NEUROG1: variants seen among roughly 807,000 people sequenced by gnomAD.
NEUROG1 encodes neurogenin-1.
A neutral mutation model predicts 5.7 loss-of-function variants in NEUROG1; 5 were observed. That is an observed-to-expected ratio of 0.88 (90% CI 0.46 to 1.85). The LOEUF is 1.85. NEUROG1 is among the 40% of genes most tolerant of loss of function. NEUROG1 has a pLI of 0.01. For missense variants in NEUROG1, 403 were observed against 345.7 expected, an observed-to-expected ratio of 1.17 and a Z score of -1.32; for synonymous variants, 196 against 157.4, an observed-to-expected ratio of 1.25 and a Z score of -1.84.
At position 135,535,662 on chromosome 5, in the gene NEUROG1, G is replaced by C. The variant is rs1043678928; in HGVS notation, c.29C>G (p.Ser10Cys). 6.3e-7 allele frequency: 1 copy of C among 1,577,634 alleles called. No individual in the cohort carries two copies. Among genetic ancestry groups the C allele is most frequent in the Non-Finnish European group, 8.6e-7 (1 of 1,166,338 alleles). ...GCTGCTGCTGGCGCAGTCGAGGTCGGAGATGCAGGTCTCAAGGCGGGCTGG... is the reference window on the plus strand; with the variant it reads ...GCTGCTGCTGGCGCAGTCGAGGTCGCAGATGCAGGTCTCAAGGCGGGCTGG... MPARLETCISDLDCASSSGS... is the reference protein window; with the variant it reads MPARLETCICDLDCASSSGS... The change falls in exon 1 of 1, where the codon TCC (serine) becomes TGC (cysteine). Residue 10 changes from serine (S) to cysteine (C), a missense_variant. By Grantham distance (112) the Ser-to-Cys change is moderately radical. Transcript: ENST00000314744.
In NEUROG1 at chr5:135,535,295, C is replaced by G; in HGVS notation, c.396G>C (p.Glu132Asp). 6.2e-7 allele frequency: 1 copy of G among 1,613,610 alleles called. No homozygotes were observed. The highest frequency in any genetic ancestry group is 8.5e-7 in the Non-Finnish European group (1 of 1,179,682). The change falls in exon 1 of 1, where the codon GAG becomes GAC. Residue 132 changes from glutamate (E) to aspartate (D), a missense_variant. Transcript: ENST00000314744. ...FPDDTKLTKI[E>D]TLRFAYNYIW... ...TGTAGTTGTAGGCGAAGCGCAGCGT[C>G]TCGATTTTGGTGAGCTTGGTGTCGT...
Position 135,535,384 on chromosome 5 carries a change from T to TGCGCTC in NEUROG1, c.301_306dup (p.Glu101_Arg102dup). On this transcript the variant is annotated inframe_insertion, in exon 1 of 1. Coordinates refer to ENST00000314744, the MANE Select transcript of NEUROG1 (RefSeq NM_006161.3). ...GCCGCGTTCAAGTTGTGCATGCGGTTGCGCTCGCGATCGTTGGCCTTGACG... is the reference window on the plus strand; with the variant it reads ...GCCGCGTTCAAGTTGTGCATGCGGTTGCGCTCGCGCTCGCGATCGTTGGCCTTGACG... 6.2e-7 allele frequency: 1 copy of TGCGCTC among 1,611,552 alleles called. No homozygotes were observed. Among genetic ancestry groups the TGCGCTC allele is most frequent in the Non-Finnish European group, 8.5e-7 (1 of 1,178,930 alleles).
rs199710381 is a variant in NEUROG1, at chr5:135,534,967, T to G, written c.*10A>C. On this transcript the variant is annotated 3_prime_UTR_variant, in exon 1 of 1. Transcript: ENST00000314744. ...AGGGGAGGGGGAAAGTAACAGTGTC[T>G]ACAAAGGGCCTAGTGGTAAGGAATG... The G allele has an allele frequency of 6.2e-7, 1 of 1,611,208 alleles. No homozygotes were observed. The highest frequency in any genetic ancestry group is 2.2e-5 in the East Asian group (1 of 44,674).
rs750589876 is a variant in NEUROG1, at chr5:135,535,728, C to A, written c.-38G>T. On this transcript the variant is annotated 5_prime_UTR_variant, in exon 1 of 1. Coordinates refer to ENST00000314744, the MANE Select transcript of NEUROG1 (RefSeq NM_006161.3). ...CAGGACCGACGGACAGATAGAAAGG[C>A]GCTCAGAGCGCTGCAGCCCGGACTG... 7.4e-6 allele frequency: 11 copies of A among 1,478,552 alleles called. No homozygotes were observed. The highest frequency in any genetic ancestry group is 2.5e-5 in the East Asian group (1 of 39,784). 91.6% of individuals were successfully genotyped at this position (1,478,552 alleles called of 1,614,324 possible).
chr5:135,535,387 G>C lies in NEUROG1; in HGVS notation c.304C>G (p.Arg102Gly), dbSNP rs1055046881. 2.5e-6 allele frequency: 4 copies of C among 1,610,656 alleles called. No homozygotes were observed. The highest frequency in any genetic ancestry group is 1.3e-5 in the African/African-American group (1 of 74,728). ...GCGTTCAAGTTGTGCATGCGGTTGC[G>C]CTCGCGATCGTTGGCCTTGACGCGC... ...SRRVKANDRE[R>G]NRMHNLNAAL... Residue 102 changes from arginine (R) to glycine (G), a missense_variant, in exon 1 of 1, where the codon CGC becomes GGC. By Grantham distance (125) the Arg-to-Gly change is moderately radical (BLOSUM62 -2). Transcript: ENST00000314744.
chr5:135,535,150 T>C lies in NEUROG1; in HGVS notation c.541A>G (p.Ser181Gly). ...CCTGAGCCCCAGGACTCCGCGTCGCTGGCGGGGCTTGGGGGACCGGGCAGG... is the reference window on the plus strand; with the variant it reads ...CCTGAGCCCCAGGACTCCGCGTCGCCGGCGGGGCTTGGGGGACCGGGCAGG... Reference protein sequence around the residue: ...PCLPGPPSPASDAESWGSGAA... With the variant: ...PCLPGPPSPAGDAESWGSGAA... The change falls in exon 1 of 1, where the codon AGC becomes GGC. Residue 181 changes from serine to glycine, a missense_variant. Ser to Gly is a moderately conservative substitution (Grantham distance 56). Transcript: ENST00000314744. The C allele has an allele frequency of 6.2e-7, 1 of 1,608,738 alleles. No homozygotes were observed. Among genetic ancestry groups the C allele is most frequent in the Non-Finnish European group, 8.5e-7 (1 of 1,177,708 alleles).
chr5:135,535,476 C>G lies in NEUROG1; in HGVS notation c.215G>C (p.Arg72Pro). Residue 72 changes from arginine (R) to proline (P), a missense_variant, in exon 1 of 1, where the codon CGG (arginine) becomes CCG (proline). By Grantham distance (103) the Arg-to-Pro change is moderately radical (BLOSUM62 -2). Coordinates refer to ENST00000314744, the MANE Select transcript of NEUROG1 (RefSeq NM_006161.3). ...GACCCGCGTCCGGCCGCGGCGCCGCCGCCTCTCCTGCTCGTCGTCCTGTGC... is the reference window on the plus strand; with the variant it reads ...GACCCGCGTCCGGCCGCGGCGCCGCGGCCTCTCCTGCTCGTCGTCCTGTGC... Reference protein sequence around the residue: ...PGAQDDEQERRRRRGRTRVRS... With the variant: ...PGAQDDEQERPRRRGRTRVRS... The G allele has an allele frequency of 6.4e-7, 1 of 1,567,544 alleles. No homozygotes were observed. Among genetic ancestry groups the G allele is most frequent in the Non-Finnish European group, 8.6e-7 (1 of 1,162,170 alleles).
At position 135,535,181 on chromosome 5, in the gene NEUROG1, G is replaced by T. The variant is rs780045649; in HGVS notation, c.510C>A (p.Val170=). 7 of 1,610,540 alleles carry T rather than the reference G, an allele frequency of 4.3e-6. No individual in the cohort carries two copies. In the Admixed American group the frequency reaches 5.0e-5, roughly 12 times the overall value. ...GGCTTGGGGGACCGGGCAGGCAGGGGACGCACTGCGGCGGCAGGAGGCGCT... is the reference window on the plus strand; with the variant it reads ...GGCTTGGGGGACCGGGCAGGCAGGGTACGCACTGCGGCGGCAGGAGGCGCT... ...ARERLLPPQC[V]PCLPGPPSPA... is the part of the protein sequence containing the mutation. The change falls in exon 1 of 1, where the codon GTC becomes GTA. Residue 170 remains valine, a synonymous_variant. Transcript: ENST00000314744.
At position 135,535,679 on chromosome 5, in the gene NEUROG1, G is replaced by T. The variant is rs765978125; in HGVS notation, c.12C>A (p.Arg4=). ...CGAGGTCGGAGATGCAGGTCTCAAG[G>T]CGGGCTGGCATCGTTGCGCTGTGCA... is the stretch of plus-strand genomic sequence containing the variant. The part of the protein sequence containing the change: MPA[R]LETCISDLDC... Residue 4 remains arginine, a synonymous_variant, in exon 1 of 1, where the codon CGC becomes CGA. Transcript: ENST00000314744. 2 of 1,563,746 alleles carry T rather than the reference G, an allele frequency of 1.3e-6. No homozygotes were observed. The highest frequency in any genetic ancestry group is 8.6e-7 in the Non-Finnish European group (1 of 1,159,388).
chr5:135,535,497 T>C lies in NEUROG1; in HGVS notation c.194A>G (p.Gln65Arg). The change falls in exon 1 of 1, where the codon CAG (glutamine) becomes CGG (arginine). Residue 65 changes from glutamine to arginine, a missense_variant. Physicochemically the swap from Gln to Arg is conservative, Grantham distance 43. Transcript: ENST00000314744. ...ISRASEVPGA[Q>R]DDEQERRRRR... is the part of the protein sequence containing the mutation. The stretch of plus-strand genomic sequence containing the variant: ...CCGCCGCCTCTCCTGCTCGTCGTCC[T>C]GTGCCCCTGGAACCTCAGACGCCCG... The C allele has an allele frequency of 1.3e-6, 2 of 1,575,240 alleles. No individual in the cohort carries two copies. The highest frequency in any genetic ancestry group is 2.3e-5 in the South Asian group (2 of 86,576).
At position 135,535,565 on chromosome 5, in the gene NEUROG1, C is replaced by G. The variant is rs771128706; in HGVS notation, c.126G>C (p.Ser42=). 2.5e-6 allele frequency: 4 copies of G among 1,579,112 alleles called. No homozygotes were observed. The African/African-American group carries it at 5.4e-5, about 21-fold the overall frequency. ...CCCTGCGGGCCGGCGCGGGCGGCCC[C>G]GAAGCGGAGGCTGCCTGTTGGAGTC... ...CARLQQAASA[S]GPPAPARRGA... is the part of the protein sequence containing the mutation. Residue 42 remains serine (S), a synonymous_variant, in exon 1 of 1, where the codon TCG becomes TCC. Transcript: ENST00000314744.
chr5:135,534,969 C>G lies in NEUROG1; in HGVS notation c.*8G>C. 6.2e-7 allele frequency: 1 copy of G among 1,611,526 alleles called. No homozygotes were observed. The highest frequency in any genetic ancestry group is 1.1e-5 in the South Asian group (1 of 90,738). ...GGGAGGGGGAAAGTAACAGTGTCTA[C>G]AAAGGGCCTAGTGGTAAGGAATGAA... On this transcript the variant is annotated 3_prime_UTR_variant, in exon 1 of 1. Transcript: ENST00000314744.
rs1360142643 is a variant in NEUROG1 at position 135,534,935 on chromosome 5, G to A, written c.*42C>T. 2 of 1,584,004 alleles carry A rather than the reference G, an allele frequency of 1.3e-6. No individual in the cohort carries two copies. Among genetic ancestry groups the A allele is most frequent in the Non-Finnish European group, 1.7e-6 (2 of 1,166,868 alleles). ...GCAGCTGGGGCCCCATCTATTGCCT[G>A]CTGACTAGGGGAGGGGGAAAGTAAC... On this transcript the variant is annotated 3_prime_UTR_variant, in exon 1 of 1. Coordinates refer to ENST00000314744, the MANE Select transcript of NEUROG1 (RefSeq NM_006161.3).
In NEUROG1 at chr5:135,535,219, C is replaced by G. The variant is rs751734736; in HGVS notation, c.472G>C (p.Gly158Arg). Residue 158 changes from glycine (G) to arginine (R), a missense_variant, in exon 1 of 1, where the codon GGC becomes CGC. Coordinates refer to ENST00000314744, the MANE Select transcript of NEUROG1 (RefSeq NM_006161.3). ...LRLADQGLPG[G>R]GARERLLPPQ... is the part of the protein sequence containing the mutation. ...GGCAGGAGGCGCTCCCGGGCACCGCCTCCGGGCAGCCCTTGATCCGCCAGG... is the reference window on the plus strand; with the variant it reads ...GGCAGGAGGCGCTCCCGGGCACCGCGTCCGGGCAGCCCTTGATCCGCCAGG... 2 of 1,612,148 alleles carry G rather than the reference C, an allele frequency of 1.2e-6. No individual in the cohort carries two copies. The highest frequency in any genetic ancestry group is 3.3e-5 in the Admixed American group (2 of 59,938).
In NEUROG1 at chr5:135,535,213, C is replaced by A; in HGVS notation, c.478G>T (p.Ala160Ser). 6.2e-7 allele frequency: 1 copy of A among 1,611,534 alleles called. No individual in the cohort carries two copies. Among genetic ancestry groups the A allele is most frequent in the Non-Finnish European group, 8.5e-7 (1 of 1,179,090 alleles). Residue 160 changes from alanine (A) to serine (S), a missense_variant, in exon 1 of 1, where the codon GCC becomes TCC. By Grantham distance (99) the Ala-to-Ser change is moderately conservative (BLOSUM62 1). Coordinates refer to ENST00000314744, the MANE Select transcript of NEUROG1 (RefSeq NM_006161.3). ...TGCGGCGGCAGGAGGCGCTCCCGGG[C>A]ACCGCCTCCGGGCAGCCCTTGATCC... ...LADQGLPGGG[A>S]RERLLPPQCV...
rs1750505645 is a variant in NEUROG1 at position 135,535,085 on chromosome 5, T to G, written c.606A>C (p.Pro202=). ...AASPLSDPSS[P]AASEDFTYRP... ...GGTAGGTGAAGTCTTCGGAGGCGGC[T>G]GGGCTACTGGGGTCAGAGAGCGGGG... The change falls in exon 1 of 1, where the codon CCA becomes CCC. Residue 202 remains proline, a synonymous_variant. Coordinates refer to ENST00000314744, the MANE Select transcript of NEUROG1 (RefSeq NM_006161.3). 6.2e-7 allele frequency: 1 copy of G among 1,613,346 alleles called. No individual in the cohort carries two copies. Among genetic ancestry groups the G allele is most frequent in the Admixed American group, 1.7e-5 (1 of 59,972 alleles).
In NEUROG1 at chr5:135,535,350, G is replaced by A; in HGVS notation, c.341C>T (p.Ala114Val). ...RMHNLNAALD[A>V]LRSVLPSFPD... ...GAACGAGGGCAGCACGCTGCGCAGT[G>A]CGTCCAGGGCCGCGTTCAAGTTGTG... Residue 114 changes from alanine to valine, a missense_variant, in exon 1 of 1, where the codon GCA becomes GTA. Ala to Val is a moderately conservative substitution (Grantham distance 64). Coordinates refer to ENST00000314744, the MANE Select transcript of NEUROG1 (RefSeq NM_006161.3). 3 of 1,613,256 alleles carry A rather than the reference G, an allele frequency of 1.9e-6. No individual in the cohort carries two copies. Among genetic ancestry groups the A allele is most frequent in the Non-Finnish European group, 2.5e-6 (3 of 1,179,586 alleles).
chr5:135,535,002 G>A lies in NEUROG1; in HGVS notation c.689C>T (p.Thr230Met), dbSNP rs1420821259. ...CTAGTGGTAAGGAATGAAACAGGGC[G>A]TTGTGTGGAGCAAGTCTTTGGGCAG... is the stretch of plus-strand genomic sequence containing the variant. Reference protein sequence around the residue: ...PSLPKDLLHTTPCFIPYH With the variant: ...PSLPKDLLHTMPCFIPYH The change falls in exon 1 of 1, where the codon ACG (threonine) becomes ATG (methionine). Residue 230 changes from threonine (T) to methionine (M), a missense_variant. By Grantham distance (81) the Thr-to-Met change is moderately conservative. Coordinates refer to ENST00000314744, the MANE Select transcript of NEUROG1 (RefSeq NM_006161.3). The A allele has an allele frequency of 1.2e-6, 2 of 1,613,988 alleles. No individual in the cohort carries two copies. Among genetic ancestry groups the A allele is most frequent in the South Asian group, 1.1e-5 (1 of 91,076 alleles).
Position 135,535,046 on chromosome 5 carries a change from A to G in NEUROG1, c.645T>C (p.Pro215=), listed in dbSNP as rs1304782075. 1 of 1,613,900 alleles carries G rather than the reference A, an allele frequency of 6.2e-7. No individual in the cohort carries two copies. Among genetic ancestry groups the G allele is most frequent in the Non-Finnish European group, 8.5e-7 (1 of 1,179,972 alleles). ...SEDFTYRPGD[P]VFSFPSLPKD... ...TGGGCAGGCTTGGGAAGGAGAAAAC[A>G]GGGTCGCCGGGGCGGTAGGTGAAGT... is the stretch of plus-strand genomic sequence containing the variant. Residue 215 remains proline (P), a synonymous_variant, in exon 1 of 1, where the codon CCT becomes CCC. Transcript: ENST00000314744.
Sources: gnomAD v4.1 joint callset for allele counts on GRCh38, gnomAD v4.1.1 for gene constraint, MANE v1.5 for transcripts, NCBI Gene and HGNC (gene_info 2026-07-23, HGNC 2026-07-21) for gene names.